Variants in CD300E observed in about 807,000 individuals in gnomAD.
CD300E encodes CMRF35-like molecule 2.
A neutral mutation model predicts 20.9 loss-of-function variants in CD300E; 14 were observed. That is an observed-to-expected ratio of 0.67 (90% CI 0.44 to 1.05). The LOEUF (loss-of-function observed/expected upper bound fraction) is 1.05. Ranked by LOEUF, CD300E falls within the 50% of genes least tolerant of loss-of-function variation. CD300E has a pLI of 0.00. For missense variants in CD300E, 237 were observed against 253.9 expected (o/e 0.93, Z 0.45); for synonymous variants, 102 against 103.7 (o/e 0.98, Z 0.10).
At chr17:74,618,933 T>C (rs2030962415) in intron 1 of CD300E, among the ~76,000 whole-genome samples, 1 of 151,800 alleles carries the variant, frequency 6.6e-6, no homozygotes, top group African/African-American at 2.4e-5. Context: ...GCACTCCCCA[T>C]TTCTCTGCTG....
rs1250703050 is a variant in CD300E at position 74,617,343 on chromosome 17, C to T, written c.163G>A (p.Asp55Asn). The T allele has an allele frequency of 3.1e-6, 5 of 1,614,100 alleles. No individual in the cohort carries two copies. Among genetic ancestry groups the T allele is most frequent in the African/African-American group, 2.7e-5 (2 of 74,928 alleles). The change falls in exon 2 of 4, where the codon GAC becomes AAC. Residue 55 changes from aspartate (D) to asparagine (N), a missense_variant. Asp to Asn is a conservative substitution (Grantham distance 23). Transcript: ENST00000392619. ...YNKYWCRGQY[D>N]TSCESIVETK... ...TCCACAATGCTCTCACATGACGTGT[C>T]GTACTGTCCTCGGCACCAGTACTTG...
rs148992032 is a variant in CD300E at position 74,620,826 on chromosome 17, C to T, written c.40+2756G>A. 6.9e-4 allele frequency among the ~76,000 whole-genome samples: 105 copies of T among 151,982 alleles called. 1 individual carries two copies. Among genetic ancestry groups the T allele is most frequent in the African/African-American group, 2.1e-3 (88 of 41,456 alleles). ...AGAAAAAGATAAAGGCCAAGGTGAG[C>T]GGATCACTGGAGGTGAGACCAGCCT... On this transcript the variant is annotated intron_variant, in intron 1 of 3. Coordinates refer to ENST00000392619, the MANE Select transcript of CD300E (RefSeq NM_181449.3).
chr17:74,610,674 A>G lies in CD300E; in HGVS notation c.*1979T>C, dbSNP rs2030757097. 1 of 152,160 alleles carries G rather than the reference A, an allele frequency of 6.6e-6. No homozygotes were observed. The highest frequency in any genetic ancestry group is 1.5e-5 in the Non-Finnish European group (1 of 68,040). The allele number at this position is 152,160 out of a possible 1,614,324, so 9.4% of individuals were successfully genotyped here. On this transcript the variant is annotated 3_prime_UTR_variant, in exon 4 of 4. Transcript: ENST00000392619. ...TCCCACCATAGCTAATCAAAGTTTAAGTAAGAGTTGAGTCCTAAGCCTCCT... is the reference window on the plus strand; with the variant it reads ...TCCCACCATAGCTAATCAAAGTTTAGGTAAGAGTTGAGTCCTAAGCCTCCT...
chr17:74,614,083 G>A (rs1172906744), intron 2 of CD300E, 50 bp from the exon 3 acceptor site: 1 of 1,369,844 alleles, frequency 7.3e-7, no homozygotes, highest in Admixed American at 1.7e-5. Context: ...TCCCAGCCAT[G>A]CACAGAACAC....
Position 74,617,227 on chromosome 17 carries a change from G to A in CD300E, c.279C>T (p.Asn93=), listed in dbSNP as rs267605042. 1 of 1,614,196 alleles carries A rather than the reference G, an allele frequency of 6.2e-7. No homozygotes were observed. Among genetic ancestry groups the A allele is most frequent in the East Asian group, 2.2e-5 (1 of 44,880 alleles). ...AAGATCCAGCATCATCTTCATTGAG[G>A]TTCTGCATGGTCACAGTGAAGGCGA... ...EALAFTVTMQ[N]LNEDDAGSYW... is the part of the protein sequence containing the mutation. Residue 93 remains asparagine, a synonymous_variant, in exon 2 of 4, where the codon AAC becomes AAT. Transcript: ENST00000392619.
Position 74,616,972 on chromosome 17 carries a change from C to A in CD300E, c.388+146G>T, listed in dbSNP as rs563502968. The A allele has an allele frequency of 3.0e-4, 219 of 722,014 alleles. 2 individuals carry two copies. In the South Asian group the frequency reaches 3.8e-3, roughly 13 times the overall value. 44.7% of individuals were successfully genotyped at this position (722,014 alleles called of 1,614,324 possible). On this transcript the variant is annotated intron_variant, in intron 2 of 3. Coordinates refer to ENST00000392619, the MANE Select transcript of CD300E (RefSeq NM_181449.3). ...AGGCTGAAGGATCAGCCGCCTCTCTCCATGCCCATGCCATAGGCTCCTCCC... is the reference window on the plus strand; with the variant it reads ...AGGCTGAAGGATCAGCCGCCTCTCTACATGCCCATGCCATAGGCTCCTCCC...
At chr17:74,618,802 C>T (rs1483484640) in intron 1 of CD300E, among the ~76,000 whole-genome samples, 1 of 152,068 alleles carries the variant, frequency 6.6e-6, no homozygotes, top group African/African-American at 2.4e-5. Context: ...CTCAGTAGCA[C>T]CTGTCACCCC....
rs1449697810 is a variant in CD300E, at chr17:74,617,265, G to A, written c.241C>T (p.His81Tyr). 6 of 1,614,200 alleles carry A rather than the reference G, an allele frequency of 3.7e-6. No individual in the cohort carries two copies. The Admixed American group carries it at 8.3e-5, about 22-fold the overall frequency. The change falls in exon 2 of 4, where the codon CAC becomes TAC. Residue 81 changes from histidine (H) to tyrosine (Y), a missense_variant. Transcript: ENST00000392619. ...ERNGRVSIRD[H>Y]PEALAFTVTM... is the part of the protein sequence containing the mutation. ...ACAGTGAAGGCGAGAGCCTCCGGGTGGTCTCTGATGGACACGCGGCCATTC... is the reference window on the plus strand; with the variant it reads ...ACAGTGAAGGCGAGAGCCTCCGGGTAGTCTCTGATGGACACGCGGCCATTC...
intron 2 of CD300E, among the ~76,000 whole-genome samples, chr17:74,615,092 G>A (rs889495089): frequency 1.2e-4 from 19 of 152,336 alleles, no homozygotes; most frequent in South Asian, 6.2e-4. Flanking sequence ...ACTCACTTCC[G>A]CTGGAAGCAG....
chr17:74,615,205 C>T (rs965341175), intron 2 of CD300E, among the ~76,000 whole-genome samples: 8 of 152,182 alleles, frequency 5.3e-5, no homozygotes, highest in East Asian at 3.9e-4. Flanking sequence ...CTAGCAGAGG[C>T]GAATGCCGGA....
intron 3 of CD300E, among the ~76,000 whole-genome samples, chr17:74,613,347 C>T (rs1255902371): frequency 6.6e-6 from 1 of 152,238 alleles, no homozygotes; most frequent in Non-Finnish European, 1.5e-5. Context: ...AAGTGATCCA[C>T]CGCCTCGGCC....
chr17:74,615,378 T>C (rs2030878330), intron 2 of CD300E, among the ~76,000 whole-genome samples: 1 of 152,082 alleles, frequency 6.6e-6, no homozygotes, highest in Non-Finnish European at 1.5e-5. Flanking sequence ...GGATCACCCT[T>C]GGGCAGGATG....
At chr17:74,612,891 A>G in intron 3 of CD300E, 118 bp from the exon 4 acceptor site, 8 of 1,410,996 alleles carry the variant, frequency 5.7e-6, no homozygotes, top group Non-Finnish European at 7.7e-6. Context: ...GCAGCCAGGG[A>G]AAGGACCTAT....
At chr17:74,612,897 C>A in intron 3 of CD300E, 124 bp from the exon 4 acceptor site, 1 of 1,356,374 alleles carries the variant, frequency 7.4e-7, no homozygotes, top group Non-Finnish European at 1.0e-6. Context: ...AGGGAAAGGA[C>A]CTATGCCAGG....
chr17:74,617,615 CAA>C (rs1339590575), intron 1 of CD300E, 150 bp from the exon 2 acceptor site: 3 of 674,058 alleles, frequency 4.5e-6, no homozygotes, highest in Admixed American at 2.7e-5. Flanking sequence ...GGACCTAAGC[CAA>C]AGAGTCCCTG....
chr17:74,618,490 T>G (rs775689389), intron 1 of CD300E, among the ~76,000 whole-genome samples: 18 of 152,050 alleles, frequency 1.2e-4, no homozygotes, highest in Non-Finnish European at 2.2e-4. Flanking sequence ...GAGCAGAAAT[T>G]GTGAAAGAGC....
chr17:74,613,850 C>A (rs930414017), intron 3 of CD300E, 75 bp downstream of exon 3: 2 of 872,676 alleles, frequency 2.3e-6, no homozygotes, highest in Non-Finnish European at 1.9e-6. Flanking sequence ...TCTCAGGTCA[C>A]GGTGCGCCAC....
At chr17:74,616,999 A>T in intron 2 of CD300E, 119 bp downstream of exon 2, 2 of 878,190 alleles carry the variant, frequency 2.3e-6, no homozygotes, top group Non-Finnish European at 3.6e-6. Context: ...GCTCCTCCCA[A>T]CACCACTGTG....
chr17:74,621,185 A>T (rs2031014566), intron 1 of CD300E, among the ~76,000 whole-genome samples: 1 of 152,250 alleles, frequency 6.6e-6, no homozygotes, highest in Non-Finnish European at 1.5e-5. Context: ...TAACAAAAGC[A>T]AATTTTCATG....
Sources: allele counts gnomAD v4.1 joint callset (sites outside exome capture counted in the v4.1 genomes callset), GRCh38; gene constraint gnomAD v4.1.1; transcripts MANE v1.5; gene names NCBI Gene and HGNC (gene_info 2026-07-23, HGNC 2026-07-21).